NRXN1: variants seen among roughly 807,000 people sequenced by gnomAD.
The protein encoded by NRXN1 is neurexin-1.
A neutral mutation model predicts 150.9 loss-of-function variants in NRXN1; 39 were observed. That is an observed-to-expected ratio of 0.26 (90% CI 0.20 to 0.34). NRXN1 has a LOEUF of 0.34. Ranked by LOEUF, NRXN1 falls within the 10% of genes least tolerant of loss-of-function variation. The probability of loss-of-function intolerance (pLI) is 1.00; values close to 1 mark genes in which losing one functional copy is unlikely to be tolerated. For missense variants in NRXN1, 1,815 were observed against 1,949.9 expected, an observed-to-expected ratio of 0.93 and a Z score of 1.30; for synonymous variants, 924 against 757.0, an observed-to-expected ratio of 1.22 and a Z score of -3.62.
intron 12 of NRXN1, among the ~76,000 whole-genome samples, chr2:50,522,143 C>T (rs1438006414): frequency 6.6e-6 from 1 of 152,080 alleles, no homozygotes; most frequent in African/African-American, 2.4e-5. Context: ...TGTTTAGAAG[C>T]AGCTCTTCAT....
At chr2:50,017,977 C>T (rs59557443) in intron 21 of NRXN1, among the ~76,000 whole-genome samples, 5,524 of 152,064 alleles carry the variant, frequency 0.036, 251 homozygotes, top group African/African-American at 0.11. Flanking sequence ...CAGGATGCTA[C>T]GGTATTTTTA....
chr2:50,764,889 A>C (rs9309195), intron 5 of NRXN1, among the ~76,000 whole-genome samples: 139,515 of 152,068 alleles, frequency 0.92, 64,153 homozygotes, highest in African/African-American at 0.98. Context: ...GGCTCCCAAG[A>C]GGAGCACATC....
chr2:50,225,030 A>G (rs536067916), intron 18 of NRXN1, among the ~76,000 whole-genome samples: 1 of 152,018 alleles, frequency 6.6e-6, no homozygotes, highest in East Asian at 1.9e-4. Context: ...TCTTCCTTTC[A>G]TAAGAAAATA....
At chr2:49,992,235 T>A (rs1682090466) in intron 21 of NRXN1, among the ~76,000 whole-genome samples, 1 of 151,938 alleles carries the variant, frequency 6.6e-6, no homozygotes, top group Admixed American at 6.6e-5. Flanking sequence ...CTCTACATCA[T>A]TAAAATAAAG....
chr2:50,202,141 C>T (rs76653768), intron 18 of NRXN1, among the ~76,000 whole-genome samples: 112 of 152,218 alleles, frequency 7.4e-4, no homozygotes, highest in African/African-American at 2.6e-3. Flanking sequence ...ATGGACACCA[C>T]AAACAAAGGG....
At chr2:50,489,881 G>GAAAACTGCATGGGAAGGGA (rs1558820188) in intron 15 of NRXN1, among the ~76,000 whole-genome samples, 3 of 152,042 alleles carry the variant, frequency 2.0e-5, no homozygotes, top group African/African-American at 7.3e-5. Context: ...GCAGGTCCCA[G>GAAAACTGCATGGGAAGGGA]ATAACTGCAT....
chr2:49,960,469 G>T (rs1036255817), intron 21 of NRXN1, among the ~76,000 whole-genome samples: 2 of 152,120 alleles, frequency 1.3e-5, no homozygotes, highest in African/African-American at 4.8e-5. Flanking sequence ...AAACACAGTT[G>T]TACTCCCAAT....
At chr2:50,028,838 A>G (rs971513096) in intron 21 of NRXN1, among the ~76,000 whole-genome samples, 4 of 152,212 alleles carry the variant, frequency 2.6e-5, no homozygotes, top group Non-Finnish European at 5.9e-5. Flanking sequence ...ATTAGGTAAG[A>G]TGGGATTGAT....
intron 17 of NRXN1, among the ~76,000 whole-genome samples, chr2:50,320,687 A>G (rs781103289): frequency 6.6e-6 from 1 of 151,976 alleles, no homozygotes; most frequent in Non-Finnish European, 1.5e-5. Flanking sequence ...GGCATTGGAA[A>G]TCGAATATGA....
intron 17 of NRXN1, among the ~76,000 whole-genome samples, chr2:50,373,674 G>GAAAAA (rs1232475532): frequency 1.0e-5 from 1 of 99,124 alleles, no homozygotes; most frequent in African/African-American, 4.5e-5. Context: ...AAGAAAGAAA[G>GAAAAA]AAAGAAAAGA....
At position 50,131,030 on chromosome 2, in the gene NRXN1, C is replaced by T. The variant is rs577242936; in HGVS notation, c.3547-39536G>A. ...GTACCATATTAAGAAAAGCTTATTC[C>T]TTCTTGAAACCATGTTTAGGCATCA... is the stretch of plus-strand genomic sequence containing the variant. On this transcript the variant is annotated intron_variant, in intron 18 of 22. Coordinates refer to ENST00000401669, the MANE Select transcript of NRXN1 (RefSeq NM_001330078.2). Among the ~76,000 whole-genome samples, 22 of 152,204 alleles carry T rather than the reference C, an allele frequency of 1.4e-4. 1 individual carries two copies. In the South Asian group the frequency reaches 3.9e-3, roughly 27 times the overall value.
chr2:50,225,008 A>G (rs1008633529), intron 18 of NRXN1, among the ~76,000 whole-genome samples: 1 of 152,030 alleles, frequency 6.6e-6, no homozygotes, highest in African/African-American at 2.4e-5. Context: ...CTAGCCATTA[A>G]CAAAAGAAAA....
chr2:50,567,637 A>G (rs369740639), intron 8 of NRXN1, among the ~76,000 whole-genome samples: 1 of 152,176 alleles, frequency 6.6e-6, no homozygotes, highest in Non-Finnish European at 1.5e-5. Flanking sequence ...CTGCAATACA[A>G]TATTATTCTA....
At chr2:51,026,311 T>C in intron 2 of NRXN1, 1 of 1,135,590 alleles carries the variant, frequency 8.8e-7, no homozygotes, top group Non-Finnish European at 1.3e-6. Flanking sequence ...AGCTATCTAC[T>C]TTAAATCCTG....
intron 18 of NRXN1, among the ~76,000 whole-genome samples, chr2:50,199,446 T>C (rs1021941007): frequency 2.6e-5 from 4 of 152,126 alleles, no homozygotes; most frequent in South Asian, 2.1e-4. Context: ...AAAAGGATTA[T>C]GGTTTACACA....
intron 8 of NRXN1, among the ~76,000 whole-genome samples, chr2:50,563,865 G>A (rs1405270251): frequency 6.6e-6 from 1 of 152,048 alleles, no homozygotes; most frequent in East Asian, 1.9e-4. Flanking sequence ...TTCTTTCCCT[G>A]GCTGCCTGCC....
chr2:50,567,661 C>G (rs559181706), intron 8 of NRXN1, among the ~76,000 whole-genome samples: 23 of 152,126 alleles, frequency 1.5e-4, no homozygotes, highest in Middle Eastern at 3.4e-3. Context: ...TTAATGAACT[C>G]CATTTAATAC....
chr2:50,510,485 C>CAAAAAAAAAA (rs540578029), intron 12 of NRXN1, among the ~76,000 whole-genome samples: 2 of 39,694 alleles, frequency 5.0e-5, no homozygotes, highest in African/African-American at 1.0e-4. Flanking sequence ...GACTCCATCT[C>CAAAAAAAAAA]AAAAAAAAAA....
intron 21 of NRXN1, among the ~76,000 whole-genome samples, chr2:49,994,168 G>A (rs1388109526): frequency 6.6e-6 from 1 of 152,168 alleles, no homozygotes; most frequent in Non-Finnish European, 1.5e-5. Context: ...TGCCTATGAA[G>A]ACTCATAATT....
Sources: gnomAD v4.1 joint callset for allele counts (sites outside exome capture counted in the v4.1 genomes callset) on GRCh38, gnomAD v4.1.1 for gene constraint, MANE v1.5 for transcripts, NCBI Gene and HGNC (gene_info 2026-07-23, HGNC 2026-07-21) for gene names.